Variants in USH2A observed in about 807,000 individuals in gnomAD.
The protein encoded by USH2A is usherin.
USH2A carries 443 observed loss-of-function variants against 538.9 expected under a neutral mutation model. That is an observed-to-expected ratio of 0.82 (90% CI 0.76 to 0.89). The LOEUF (loss-of-function observed/expected upper bound fraction) is 0.89, where lower values mean the gene tolerates loss of function less well. USH2A is among the 40% of genes least tolerant of loss of function. The probability of loss-of-function intolerance (pLI) is 0.00; values close to 1 mark genes in which losing one functional copy is unlikely to be tolerated. For missense variants in USH2A, 6,633 were observed against 6,324.8 expected (o/e 1.05, Z -1.65); for synonymous variants, 2,413 against 2,273.5 (o/e 1.06, Z -1.75).
At chr1:216,413,666 C>A (rs1307805853) in intron 3 of USH2A, among the ~76,000 whole-genome samples, 1 of 151,986 alleles carries the variant, frequency 6.6e-6, no homozygotes, top group African/African-American at 2.4e-5. Context: ...TAGAACTGCT[C>A]TTTTTCACAC....
chr1:215,639,872 C>T (rs1160186621), intron 68 of USH2A, among the ~76,000 whole-genome samples: 1 of 152,190 alleles, frequency 6.6e-6, no homozygotes, highest in Non-Finnish European at 1.5e-5. Flanking sequence ...AATGCTGGAG[C>T]TCACTGTTTA....
chr1:215,632,887 G>A (rs922726755), intron 70 of USH2A, among the ~76,000 whole-genome samples: 2 of 152,126 alleles, frequency 1.3e-5, no homozygotes, highest in Admixed American at 1.3e-4. Flanking sequence ...ACAGCCCATG[G>A]TTCGAAGTGA....
At chr1:216,322,488 T>G (rs1352807378) in intron 8 of USH2A, among the ~76,000 whole-genome samples, 1 of 151,110 alleles carries the variant, frequency 6.6e-6, no homozygotes, top group African/African-American at 2.4e-5. Flanking sequence ...ATGCCTGTAG[T>G]CCCAGTTACT....
intron 4 of USH2A, among the ~76,000 whole-genome samples, chr1:216,335,857 G>T (rs533365140): frequency 4.0e-5 from 6 of 151,508 alleles, no homozygotes; most frequent in Non-Finnish European, 8.9e-5. Context: ...TAAAGAAGAA[G>T]TAGCACCATT....
intron 58 of USH2A, among the ~76,000 whole-genome samples, chr1:215,747,679 G>T (rs1271377443): frequency 6.6e-6 from 1 of 152,138 alleles, no homozygotes; most frequent in Non-Finnish European, 1.5e-5. Context: ...AAGGAATCGG[G>T]GACCCTCTCA....
At position 216,354,323 on chromosome 1, in the gene USH2A, A is replaced by C. The variant is rs184842167; in HGVS notation, c.784+10630T>G. 4.6e-5 allele frequency among the ~76,000 whole-genome samples: 7 copies of C among 152,298 alleles called. No homozygotes were observed. The East Asian group carries it at 1.4e-3, about 29-fold the overall frequency. On this transcript the variant is annotated intron_variant, in intron 4 of 71. Transcript: ENST00000307340. ...CATTCTTTTACGCAAAGTGTTTATC[A>C]TACAATAAAAATATTTAAGACACAT...
intron 32 of USH2A, among the ~76,000 whole-genome samples, chr1:216,040,864 T>C (rs949046743): frequency 6.6e-6 from 1 of 151,938 alleles, no homozygotes; most frequent in African/African-American, 2.4e-5. Context: ...AAGAGATTAA[T>C]GGAGATCTTG....
chr1:215,704,504 AAGTCAG>A (rs1297158311), intron 61 of USH2A, among the ~76,000 whole-genome samples: 12 of 152,156 alleles, frequency 7.9e-5, no homozygotes, highest in Non-Finnish European at 1.6e-4. Context: ...CCTAATTTAA[AAGTCAG>A]AGTGATGCCA....
chr1:216,038,549 G>T (rs1170535317), intron 32 of USH2A, among the ~76,000 whole-genome samples: 1 of 151,918 alleles, frequency 6.6e-6, no homozygotes, highest in African/African-American at 2.4e-5. Context: ...ATCAGTTTAT[G>T]GTGTCAACAC....
intron 4 of USH2A, among the ~76,000 whole-genome samples, chr1:216,330,952 G>A (rs1376360203): frequency 6.6e-6 from 1 of 152,002 alleles, no homozygotes; most frequent in Non-Finnish European, 1.5e-5. Context: ...CTCTGCTGCA[G>A]GGGGATAATG....
At chr1:216,225,221 A>C (rs1025769267) in intron 14 of USH2A, among the ~76,000 whole-genome samples, 1 of 152,208 alleles carries the variant, frequency 6.6e-6, no homozygotes, top group Non-Finnish European at 1.5e-5. Flanking sequence ...AATAACAACC[A>C]GAAGTCAAAA....
rs755532737 is a variant in USH2A at position 215,782,099 on chromosome 1, C to T, written c.10683G>A (p.Gln3561=). 1.2e-6 allele frequency: 2 copies of T among 1,613,990 alleles called. No homozygotes were observed. Among genetic ancestry groups the T allele is most frequent in the Non-Finnish European group, 1.7e-6 (2 of 1,179,898 alleles). ...FSDKEGIQPF[Q]EYSYQLKACT... ...AAGCTTTCAGCTGATATGAATATTC[C>T]TGAAATGGTTGAATTCCCTCTTTAT... is the stretch of plus-strand genomic sequence containing the variant. The change falls in exon 54 of 72, where the codon CAG becomes CAA. Residue 3561 remains glutamine, a synonymous_variant. Transcript: ENST00000307340.
chr1:215,624,985 C>A lies in USH2A; in HGVS notation c.*796G>T, dbSNP rs1655960232. 2.0e-5 allele frequency: 3 copies of A among 151,992 alleles called. No individual in the cohort carries two copies. Among genetic ancestry groups the A allele is most frequent in the Admixed American group, 2.0e-4 (3 of 15,232 alleles). The allele number at this position is 151,992 out of a possible 1,614,324, so 9.4% of individuals were successfully genotyped here. ...ACAGAATTTTATGAGAAACTAGTTT[C>A]AAAACTATAAAATATATGAAATAAA... On this transcript the variant is annotated 3_prime_UTR_variant, in exon 72 of 72. Coordinates refer to ENST00000307340, the MANE Select transcript of USH2A (RefSeq NM_206933.4).
At chr1:216,230,196 A>G (rs1372603856) in intron 14 of USH2A, among the ~76,000 whole-genome samples, 1 of 152,206 alleles carries the variant, frequency 6.6e-6, no homozygotes, top group Non-Finnish European at 1.5e-5. Flanking sequence ...GGTGGCCAGG[A>G]GTGAAACAAA....
chr1:216,285,614 C>G (rs143714777), intron 11 of USH2A, among the ~76,000 whole-genome samples: 146 of 152,296 alleles, frequency 9.6e-4, no homozygotes, highest in African/African-American at 3.4e-3. Flanking sequence ...CCACCATCCT[C>G]CAGACCTCAG....
intron 54 of USH2A, among the ~76,000 whole-genome samples, chr1:215,780,418 T>C (rs1360092708): frequency 6.6e-6 from 1 of 152,198 alleles, no homozygotes; most frequent in East Asian, 1.9e-4. Context: ...CCTGATTTCA[T>C]ACATTTTAAG....
chr1:215,761,172 C>G (rs1269903888), intron 56 of USH2A, among the ~76,000 whole-genome samples: 1 of 152,110 alleles, frequency 6.6e-6, no homozygotes, highest in African/African-American at 2.4e-5. Context: ...CCTTTGTTCC[C>G]TTACAGCATG....
chr1:215,951,439 TC>T (rs1222185778), intron 37 of USH2A, among the ~76,000 whole-genome samples: 1 of 152,246 alleles, frequency 6.6e-6, no homozygotes, highest in African/African-American at 2.4e-5. Context: ...TAATTTCTAT[TC>T]TTTTACATTT....
Position 216,422,398 on chromosome 1 carries a change from C to T in USH2A, c.-62G>A. On this transcript the variant is annotated 5_prime_UTR_variant, in exon 2 of 72. Coordinates refer to ENST00000307340, the MANE Select transcript of USH2A (RefSeq NM_206933.4). ...TCTAAATAAATAATCAGGCCCACGC[C>T]ACTTGCCAGCAATACTTTGAAGCAG... is the stretch of plus-strand genomic sequence containing the variant. 1 of 1,607,624 alleles carries T rather than the reference C, an allele frequency of 6.2e-7. No homozygotes were observed. The highest frequency in any genetic ancestry group is 1.1e-5 in the South Asian group (1 of 90,204).
Sources: allele counts gnomAD v4.1 joint callset (sites outside exome capture counted in the v4.1 genomes callset), GRCh38; gene constraint gnomAD v4.1.1; transcripts MANE v1.5; gene names NCBI Gene and HGNC (gene_info 2026-07-23, HGNC 2026-07-21).